The following PJA2 variants were observed in gnomAD, a reference collection of about 807,000 sequenced individuals.
The protein encoded by PJA2 is E3 ubiquitin-protein ligase Praja-2.
In PJA2, 25 loss-of-function variants were observed where a neutral mutation model predicts 69.3. The observed-to-expected ratio is 0.36, with a 90% CI of 0.26 to 0.50. The LOEUF (loss-of-function observed/expected upper bound fraction) is 0.50. PJA2 is among the 20% of genes least tolerant of loss of function. PJA2 has a pLI of 0.96. For synonymous variants in PJA2, 308 were observed against 277.8 expected (o/e 1.11, Z -1.08); for missense variants, 809 against 830.2 (o/e 0.97, Z 0.31).
At chr5:109,351,853 G>C (rs1762258531) in intron 7 of PJA2, among the ~76,000 whole-genome samples, 2 of 151,998 alleles carry the variant, frequency 1.3e-5, no homozygotes, top group Admixed American at 1.3e-4. Context: ...TTCATTTAAA[G>C]AGTGTTAGTG....
At chr5:109,407,959 C>T (rs1244323465) in intron 1 of PJA2, among the ~76,000 whole-genome samples, 4 of 152,048 alleles carry the variant, frequency 2.6e-5, no homozygotes, top group Non-Finnish European at 5.9e-5. Flanking sequence ...TTCAAAATAG[C>T]TAAGGATTTT....
chr5:109,368,467 T>C, intron 5 of PJA2, 94 bp downstream of exon 5: 1 of 1,182,820 alleles, frequency 8.5e-7, no homozygotes, highest in African/African-American at 1.5e-5. Flanking sequence ...ACATAAGGCT[T>C]ATAAATACAA....
intron 6 of PJA2, among the ~76,000 whole-genome samples, chr5:109,357,786 T>C (rs1362898834): frequency 6.6e-6 from 1 of 152,230 alleles, no homozygotes; most frequent in Non-Finnish European, 1.5e-5. Flanking sequence ...TTTTGCTCTG[T>C]TGCTGTAATT....
chr5:109,391,843 A>C (rs759573387), intron 1 of PJA2, among the ~76,000 whole-genome samples: 1 of 152,188 alleles, frequency 6.6e-6, no homozygotes. Context: ...TTTATTACTA[A>C]TATTACCTTG....
At chr5:109,338,754 T>C (rs534407975) in intron 9 of PJA2, among the ~76,000 whole-genome samples, 114 of 152,132 alleles carry the variant, frequency 7.5e-4, no homozygotes, top group African/African-American at 2.7e-3. Flanking sequence ...GTGGTCTTGA[T>C]GAACTACATA....
At chr5:109,350,478 G>A (rs576978142) in intron 7 of PJA2, among the ~76,000 whole-genome samples, 27 of 152,292 alleles carry the variant, frequency 1.8e-4, no homozygotes, top group Admixed American at 3.3e-4. Context: ...AAAGAACGAA[G>A]ATAGTAATAC....
intron 5 of PJA2, among the ~76,000 whole-genome samples, chr5:109,367,819 TC>T (rs1762610383): frequency 6.6e-6 from 1 of 152,214 alleles, no homozygotes; most frequent in Admixed American, 6.5e-5. Flanking sequence ...TTCTTCATGA[TC>T]AGGGCAAAAG....
At chr5:109,339,791 C>T (rs1762010823) in intron 9 of PJA2, among the ~76,000 whole-genome samples, 1 of 152,196 alleles carries the variant, frequency 6.6e-6, no homozygotes, top group Admixed American at 6.5e-5. Flanking sequence ...TTAAATTCAT[C>T]ATGGATTACC....
intron 1 of PJA2, among the ~76,000 whole-genome samples, chr5:109,406,045 T>C (rs1747683913): frequency 1.4e-5 from 2 of 147,758 alleles, no homozygotes; most frequent in African/African-American, 5.0e-5. Context: ...AACCCATTTT[T>C]TTTTTTTTTT....
At chr5:109,371,316 T>C (rs1425020520) in intron 4 of PJA2, among the ~76,000 whole-genome samples, 1 of 152,188 alleles carries the variant, frequency 6.6e-6, no homozygotes, top group African/African-American at 2.4e-5. Context: ...ATTTTTCACC[T>C]TCCTTGTCAA....
intron 4 of PJA2, 125 bp from the exon 5 acceptor site, chr5:109,368,871 A>C (rs1035056796): frequency 9.9e-7 from 1 of 1,014,092 alleles, no homozygotes; most frequent in Non-Finnish European, 1.4e-6. Context: ...CTGTAATCCA[A>C]AATGTTGGAG....
At chr5:109,389,915 T>G (rs977780275) in intron 1 of PJA2, among the ~76,000 whole-genome samples, 45 of 152,044 alleles carry the variant, frequency 3.0e-4, no homozygotes, top group Admixed American at 2.0e-3. Flanking sequence ...TTTTTTTTTT[T>G]TTGTTATTGG....
intron 6 of PJA2, among the ~76,000 whole-genome samples, chr5:109,357,448 A>T (rs116462130): frequency 0.014 from 2,068 of 152,350 alleles, 32 homozygotes; most frequent in Non-Finnish European, 0.021. Context: ...AAAGCAACAG[A>T]CATGCACATA....
In PJA2 at chr5:109,335,036, T is replaced by C. The variant is rs1561335896; in HGVS notation, c.*2195A>G. 6.6e-6 allele frequency: 1 copy of C among 152,576 alleles called. No individual in the cohort carries two copies. The highest frequency in any genetic ancestry group is 1.5e-5 in the Non-Finnish European group (1 of 68,034). 9.5% of individuals were successfully genotyped at this position (152,576 alleles called of 1,614,324 possible). ...ACATAAAATAGAGAAATAAGATAAA[T>C]GCTATTTTATTAATATTCATACTTA... On this transcript the variant is annotated 3_prime_UTR_variant, in exon 10 of 10. Coordinates refer to ENST00000361189, the MANE Select transcript of PJA2 (RefSeq NM_014819.5).
At chr5:109,353,682 T>C (rs1257353452) in intron 7 of PJA2, among the ~76,000 whole-genome samples, 1 of 148,440 alleles carries the variant, frequency 6.7e-6, no homozygotes, top group Non-Finnish European at 1.5e-5. Flanking sequence ...GACATCTATA[T>C]ATTAGATACC....
chr5:109,390,490 A>G (rs999285655), intron 1 of PJA2: 1 of 152,054 alleles, frequency 6.6e-6, no homozygotes. Flanking sequence ...TCTTATAAAT[A>G]GAATATAGGT....
At chr5:109,354,089 T>TATA (rs1554053609) in intron 7 of PJA2, among the ~76,000 whole-genome samples, 2 of 51,550 alleles carry the variant, frequency 3.9e-5, no homozygotes, top group South Asian at 7.1e-4. Flanking sequence ...ATTAGATATC[T>TATA]ATATCTAGAG....
At chr5:109,359,400 C>G (rs933426270) in intron 6 of PJA2, among the ~76,000 whole-genome samples, 5 of 152,152 alleles carry the variant, frequency 3.3e-5, no homozygotes, top group African/African-American at 9.7e-5. Flanking sequence ...CAAGAGTCAG[C>G]TGTATTAAAG....
chr5:109,380,611 C>G (rs1299401396), intron 3 of PJA2, among the ~76,000 whole-genome samples: 1 of 151,182 alleles, frequency 6.6e-6, no homozygotes, highest in Non-Finnish European at 1.5e-5. Flanking sequence ...AGTTCGAGAC[C>G]AGCCTGGGCA....
Sources: allele counts gnomAD v4.1 joint callset (sites outside exome capture counted in the v4.1 genomes callset), GRCh38; gene constraint gnomAD v4.1.1; transcripts MANE v1.5; gene names NCBI Gene and HGNC (gene_info 2026-07-23, HGNC 2026-07-21).